Variants in MED12L observed in about 807,000 individuals in gnomAD.
MED12L encodes the protein mediator of RNA polymerase II transcription subunit 12-like protein.
In MED12L, 60 loss-of-function variants were observed where a neutral mutation model predicts 281.3. That is an observed-to-expected ratio of 0.21 (90% CI 0.17 to 0.26). MED12L has a LOEUF of 0.26. Among genes scored for constraint, MED12L ranks in the 10% least tolerant of loss-of-function variants. The probability of loss-of-function intolerance (pLI) is 1.00; values close to 1 mark genes in which losing one functional copy is unlikely to be tolerated. For missense variants in MED12L, 2,146 were observed against 2,680.9 expected (o/e 0.80, Z 4.41); for synonymous variants, 974 against 987.2 (o/e 0.99, Z 0.25).
At chr3:151,093,983 G>T (rs1720399598) in intron 2 of MED12L, among the ~76,000 whole-genome samples, 1 of 152,200 alleles carries the variant, frequency 6.6e-6, no homozygotes, top group African/African-American at 2.4e-5. Context: ...AATGAGATCT[G>T]GAGAGTAAAC....
At chr3:151,314,349 T>C (rs1747953820) in intron 16 of MED12L, among the ~76,000 whole-genome samples, 1 of 152,196 alleles carries the variant, frequency 6.6e-6, no homozygotes, top group African/African-American at 2.4e-5. Context: ...GATTTCGTAA[T>C]ATTTGTAAGG....
chr3:151,356,515 A>G (rs186951721), intron 19 of MED12L, among the ~76,000 whole-genome samples: 1 of 152,344 alleles, frequency 6.6e-6, no homozygotes, highest in African/African-American at 2.4e-5. Context: ...TAACAGTCTT[A>G]AACTAACATT....
chr3:151,319,006 G>GAGTGTTTC (rs1748652542), intron 16 of MED12L, among the ~76,000 whole-genome samples: 1 of 152,120 alleles, frequency 6.6e-6, no homozygotes, highest in Admixed American at 6.5e-5. Flanking sequence ...AGCTGGCTTG[G>GAGTGTTTC]AGTGTTTCAG....
At chr3:151,099,427 A>G (rs530823424) in intron 2 of MED12L, among the ~76,000 whole-genome samples, 40 of 152,348 alleles carry the variant, frequency 2.6e-4, no homozygotes, top group South Asian at 6.2e-4. Context: ...AATCATAGTC[A>G]ACCAATTTCA....
rs73014884 is a variant in MED12L at position 151,128,024 on chromosome 3, G to A, written c.556+40G>A. ...ACAATACACCTTACATTTCATTATT[G>A]ATTTTGCAAGTAATTGTTGCCTGTA... On this transcript the variant is annotated intron_variant, in intron 5 of 44. Transcript: ENST00000687756. 3,096 of 1,560,256 alleles carry A rather than the reference G, an allele frequency of 2.0e-3. 51 individuals are homozygous for A. The African/African-American group carries it at 0.036, about 18-fold the overall frequency.
rs763608645 is a variant in MED12L at position 151,185,456 on chromosome 3, G to A, written c.1621G>A (p.Ala541Thr). The A allele has an allele frequency of 6.2e-7, 1 of 1,613,846 alleles. No homozygotes were observed. Among genetic ancestry groups the A allele is most frequent in the African/African-American group, 1.3e-5 (1 of 75,016 alleles). The change falls in exon 12 of 45, where the codon GCA becomes ACA. Residue 541 changes from alanine to threonine, a missense_variant. This residue lies in a region of MED12L where 722 missense variants were observed against 861.2 expected (regional missense o/e 0.84). Coordinates refer to ENST00000687756, the MANE Select transcript of MED12L (RefSeq NM_001393769.1). The part of the protein sequence containing the change: ...LLEKRQAEIE[A>T]ERCGESEVLD... ...GGAGAAGAGGCAAGCAGAAATTGAG[G>A]CAGAGGTAGGTTCCATTTTCTTTCT...
chr3:151,214,454 C>T (rs1479988948), intron 16 of MED12L: 5 of 648,850 alleles, frequency 7.7e-6, no homozygotes, highest in Non-Finnish European at 1.3e-5. Context: ...TTTTTGAAGC[C>T]ACCTTTTTAC....
chr3:151,297,874 A>G (rs1745319492), intron 16 of MED12L, among the ~76,000 whole-genome samples: 1 of 151,808 alleles, frequency 6.6e-6, no homozygotes, highest in Non-Finnish European at 1.5e-5. Flanking sequence ...ACATATATAC[A>G]TATATATATA....
chr3:151,345,982 C>T (rs1026249614), intron 16 of MED12L, among the ~76,000 whole-genome samples: 2 of 152,274 alleles, frequency 1.3e-5, no homozygotes, highest in Middle Eastern at 3.4e-3. Flanking sequence ...ACTGTCTTTA[C>T]ACCCCTTATA....
chr3:151,137,421 A>C (rs1716311792), intron 5 of MED12L, among the ~76,000 whole-genome samples: 1 of 152,102 alleles, frequency 6.6e-6, no homozygotes, highest in African/African-American at 2.4e-5. Flanking sequence ...CCTGCCTCAG[A>C]TCTCCAAAGA....
chr3:151,140,559 T>C (rs1273041970), intron 5 of MED12L, among the ~76,000 whole-genome samples: 1 of 152,268 alleles, frequency 6.6e-6, no homozygotes, highest in African/African-American at 2.4e-5. Flanking sequence ...AGTAAAAATA[T>C]TATACCCTCT....
At chr3:151,258,346 T>G (rs533986411) in intron 16 of MED12L, among the ~76,000 whole-genome samples, 4 of 152,228 alleles carry the variant, frequency 2.6e-5, no homozygotes, top group Non-Finnish European at 5.9e-5. Context: ...CAAAATAATT[T>G]TTAGTACTTT....
chr3:151,387,874 C>G lies in MED12L; in HGVS notation c.5153C>G (p.Pro1718Arg), dbSNP rs1200993660. 6.2e-7 allele frequency: 1 copy of G among 1,614,078 alleles called. No individual in the cohort carries two copies. The highest frequency in any genetic ancestry group is 1.7e-5 in the Admixed American group (1 of 60,002). Residue 1718 changes from proline (P) to arginine (R), a missense_variant, in exon 37 of 45, where the codon CCA becomes CGA. Around this residue, in one of 9 missense-constraint regions of MED12L, gnomAD observed 212 missense variants for 340.8 expected, o/e 0.62. Transcript: ENST00000687756. The stretch of plus-strand genomic sequence containing the variant: ...GACTTGTTTGAGGGTCAGAAGAACC[C>G]AGCTCCTTTGTCCTGGGCCTGGTTT... ...PWDLFEGQKN[P>R]APLSWAWFGT...
chr3:151,110,718 A>G (rs1440010937), intron 2 of MED12L, among the ~76,000 whole-genome samples: 3 of 152,144 alleles, frequency 2.0e-5, no homozygotes, highest in African/African-American at 7.2e-5. Flanking sequence ...AGTGAAGTGA[A>G]AACTTTATAC....
chr3:151,103,429 C>G (rs987822850), intron 2 of MED12L, among the ~76,000 whole-genome samples: 4 of 152,190 alleles, frequency 2.6e-5, no homozygotes, highest in African/African-American at 9.6e-5. Flanking sequence ...GAGGAACTGC[C>G]TGTCTCACTA....
intron 16 of MED12L, among the ~76,000 whole-genome samples, chr3:151,289,295 T>C (rs981707060): frequency 1.1e-4 from 17 of 152,198 alleles, no homozygotes; most frequent in Non-Finnish European, 1.8e-4. Flanking sequence ...TTGAAATATT[T>C]CATGACGTAG....
chr3:151,411,160 G>A, intron 40 of MED12L, 118 bp from the exon 41 acceptor site: 1 of 802,568 alleles, frequency 1.2e-6, no homozygotes, highest in Non-Finnish European at 2.0e-6. Flanking sequence ...GAGAACCTTT[G>A]AAAACAGTGA....
At chr3:151,362,406 C>T (rs1327486181) in intron 21 of MED12L, among the ~76,000 whole-genome samples, 1 of 152,038 alleles carries the variant, frequency 6.6e-6, no homozygotes, top group African/African-American at 2.4e-5. Context: ...TGATCAAACA[C>T]TCTAAGAACA....
At chr3:151,285,255 T>G (rs1011577649) in intron 16 of MED12L, among the ~76,000 whole-genome samples, 1 of 151,702 alleles carries the variant, frequency 6.6e-6, no homozygotes, top group Non-Finnish European at 1.5e-5. Context: ...GAGGCTGAGG[T>G]GGGCAGATCA....
Sources: gnomAD v4.1 joint callset for allele counts (sites outside exome capture counted in the v4.1 genomes callset) on GRCh38, gnomAD v4.1.1 for gene constraint, gnomAD v4.1.1 regional missense constraint, MANE v1.5 for transcripts, NCBI Gene and HGNC (gene_info 2026-07-23, HGNC 2026-07-21) for gene names.